The following BOC variants were observed in gnomAD, a reference collection of about 807,000 sequenced individuals.
BOC encodes the protein brother of CDO.
In BOC, 76 loss-of-function variants were observed where a neutral mutation model predicts 112.0. The observed-to-expected ratio is 0.68, with a 90% CI of 0.56 to 0.82. BOC has a LOEUF of 0.82. Among genes scored for constraint, BOC ranks in the 40% least tolerant of loss-of-function variants. The pLI is 0.00. For synonymous variants in BOC, 580 were observed against 599.8 expected (o/e 0.97, Z 0.48); for missense variants, 1,309 against 1,511.7 (o/e 0.87, Z 2.22).
intron 2 of BOC, among the ~76,000 whole-genome samples, chr3:113,219,473 C>T (rs527609255): frequency 6.6e-6 from 1 of 152,360 alleles, no homozygotes; most frequent in East Asian, 1.9e-4. Context: ...GAAGCTGAAG[C>T]TTAAATAATT....
intron 4 of BOC, among the ~76,000 whole-genome samples, chr3:113,257,890 G>T (rs575995183): frequency 2.0e-5 from 3 of 152,330 alleles, no homozygotes; most frequent in African/African-American, 7.2e-5. Flanking sequence ...TGTTTTGGAG[G>T]TTGGTGCCCT....
chr3:113,286,565 C>T (rs1576525045), intron 19 of BOC, 110 bp from the exon 20 acceptor site: 1 of 1,022,916 alleles, frequency 9.8e-7, no homozygotes, highest in Non-Finnish European at 1.4e-6. Flanking sequence ...GTCCCCTTTC[C>T]AGAGCCAGTG....
chr3:113,262,298 T>A (rs984359157), intron 4 of BOC, among the ~76,000 whole-genome samples: 18 of 152,258 alleles, frequency 1.2e-4, no homozygotes, highest in African/African-American at 4.3e-4. Flanking sequence ...AGGACTACGC[T>A]GGAGAACACC....
intron 8 of BOC, among the ~76,000 whole-genome samples, chr3:113,273,905 C>T (rs1948400573): frequency 6.6e-6 from 1 of 152,176 alleles, no homozygotes; most frequent in Admixed American, 6.5e-5. Context: ...AAGCACTGCC[C>T]CTCCTGGCCT....
rs762031504 is a variant in BOC at position 113,268,384 on chromosome 3, G to C, written c.462G>C (p.Glu154Asp). The C allele has an allele frequency of 1.9e-6, 3 of 1,614,024 alleles. No individual in the cohort carries two copies. The African/African-American group carries it at 4.0e-5, about 22-fold the overall frequency. Residue 154 changes from glutamate (E) to aspartate (D), a missense_variant, in exon 5 of 20, where the codon GAG (glutamate) becomes GAC (aspartate). By Grantham distance (45) the Glu-to-Asp change is conservative. Coordinates refer to ENST00000682979, the MANE Select transcript of BOC (RefSeq NM_001378074.1). Reference protein sequence around the residue: ...NTAVIACHLPESHPKAQVRYS... With the variant: ...NTAVIACHLPDSHPKAQVRYS... Reference sequence around the variant, plus strand: ...CAGTCATTGCCTGCCACCTGCCTGAGAGCCACCCCAAAGCCCAGGTCCGGT... The same window carrying C: ...CAGTCATTGCCTGCCACCTGCCTGACAGCCACCCCAAAGCCCAGGTCCGGT...
intron 4 of BOC, among the ~76,000 whole-genome samples, chr3:113,265,963 G>A (rs924116898): frequency 2.6e-5 from 4 of 152,214 alleles, no homozygotes; most frequent in Non-Finnish European, 4.4e-5. Context: ...CTTGGGGTTG[G>A]GGTGAAGAGT....
In BOC at chr3:113,250,595, C is replaced by G; in HGVS notation, c.138C>G (p.Val46=). 6.2e-7 allele frequency: 1 copy of G among 1,614,100 alleles called. No individual in the cohort carries two copies. Among genetic ancestry groups the G allele is most frequent in the Non-Finnish European group, 8.5e-7 (1 of 1,179,982 alleles). ...TCACCGTCCAGCCTGCGTCCACCGT[C>G]CAGAAGCCCGGAGGCACTGTGATCT... The part of the protein sequence containing the change: ...PQVTVQPAST[V]QKPGGTVILG... Residue 46 remains valine, a synonymous_variant, in exon 4 of 20, where the codon GTC becomes GTG. Transcript: ENST00000682979.
At chr3:113,249,410 G>A (rs991278623) in intron 2 of BOC, among the ~76,000 whole-genome samples, 28 of 152,238 alleles carry the variant, frequency 1.8e-4, no homozygotes, top group Non-Finnish European at 7.3e-5. Flanking sequence ...ATGGCTGCAG[G>A]CCTCAGCCTC....
chr3:113,236,491 A>G (rs1943582203), intron 2 of BOC, among the ~76,000 whole-genome samples: 2 of 132,716 alleles, frequency 1.5e-5, no homozygotes, highest in Admixed American at 1.7e-4. Context: ...AAAGTATGGA[A>G]TGATAGACAT....
intron 3 of BOC, 145 bp from the exon 4 acceptor site, chr3:113,250,410 A>G: frequency 1.1e-6 from 1 of 909,568 alleles, no homozygotes; most frequent in South Asian, 1.7e-5. Context: ...CAGGTTGGGA[A>G]ATGGACAAGA....
intron 2 of BOC, among the ~76,000 whole-genome samples, chr3:113,248,088 TC>T (rs1945151807): frequency 6.6e-6 from 1 of 152,148 alleles, no homozygotes; most frequent in Admixed American, 6.5e-5. Flanking sequence ...ATTCTGAGCA[TC>T]CACAGAATGC....
At chr3:113,219,999 G>A (rs1014333508) in intron 2 of BOC, among the ~76,000 whole-genome samples, 1 of 151,804 alleles carries the variant, frequency 6.6e-6, no homozygotes, top group African/African-American at 2.4e-5. Flanking sequence ...CTGCAAGTCT[G>A]ATCAAGCAGG....
At chr3:113,248,812 A>G (rs1945254316) in intron 2 of BOC, among the ~76,000 whole-genome samples, 1 of 152,174 alleles carries the variant, frequency 6.6e-6, no homozygotes, top group Admixed American at 6.5e-5. Context: ...AGGGTGACTG[A>G]TAGCTGAGGT....
In BOC at chr3:113,245,695, T is replaced by C. The variant is rs115293439; in HGVS notation, c.-81-4027T>C. On this transcript the variant is annotated intron_variant, in intron 2 of 19. Transcript: ENST00000682979. ...TTTTCTTTTTCATGTAGCTAGTCCCTCTCTACCAATGGAACAAAAGACTTT... is the reference window on the plus strand; with the variant it reads ...TTTTCTTTTTCATGTAGCTAGTCCCCCTCTACCAATGGAACAAAAGACTTT... 4.4e-3 allele frequency among the ~76,000 whole-genome samples: 669 copies of C among 152,344 alleles called. 5 individuals carry two copies. The highest frequency in any genetic ancestry group is 0.016 in the African/African-American group (649 of 41,574).
chr3:113,242,538 C>T lies in BOC; in HGVS notation c.-81-7184C>T, dbSNP rs147800209. On this transcript the variant is annotated intron_variant, in intron 2 of 19. Coordinates refer to ENST00000682979, the MANE Select transcript of BOC (RefSeq NM_001378074.1). ...GCTTCTCCTCGGAGAGGTTCCTCCCCGAGGAAAGATGCTGTATCCTGGCTC... is the reference window on the plus strand; with the variant it reads ...GCTTCTCCTCGGAGAGGTTCCTCCCTGAGGAAAGATGCTGTATCCTGGCTC... Among the ~76,000 whole-genome samples, 337 of 152,010 alleles carry T rather than the reference C, an allele frequency of 2.2e-3. 2 individuals are homozygous for T. Among genetic ancestry groups the T allele is most frequent in the African/African-American group, 5.9e-3 (246 of 41,434 alleles).
intron 2 of BOC, among the ~76,000 whole-genome samples, chr3:113,222,124 T>C (rs1026433034): frequency 6.6e-6 from 1 of 152,200 alleles, no homozygotes; most frequent in Non-Finnish European, 1.5e-5. Context: ...TAATTTCTTT[T>C]CCTCCATGTT....
intron 2 of BOC, among the ~76,000 whole-genome samples, chr3:113,224,640 G>C (rs1375646074): frequency 6.6e-6 from 1 of 152,130 alleles, no homozygotes; most frequent in African/African-American, 2.4e-5. Context: ...AGGTAGACAG[G>C]GTTCCAACCC....
At chr3:113,279,161 C>CAGTG (rs1948947507) in intron 11 of BOC, 88 bp from the exon 12 acceptor site, 4 of 1,372,994 alleles carry the variant, frequency 2.9e-6, no homozygotes, top group Non-Finnish European at 4.1e-6. Flanking sequence ...AGGCCAGGCC[C>CAGTG]AGTGGGCATA....
At chr3:113,223,949 T>C (rs556885792) in intron 2 of BOC, among the ~76,000 whole-genome samples, 2 of 152,352 alleles carry the variant, frequency 1.3e-5, no homozygotes, top group African/African-American at 4.8e-5. Context: ...CCCAGGCTGG[T>C]AAACTGTCAG....
Sources: allele counts gnomAD v4.1 joint callset (sites outside exome capture counted in the v4.1 genomes callset), GRCh38; gene constraint gnomAD v4.1.1; transcripts MANE v1.5; gene names NCBI Gene and HGNC (gene_info 2026-07-23, HGNC 2026-07-21).